Variants in PPM1A observed in about 807,000 individuals in gnomAD.
PPM1A encodes the protein protein phosphatase, Mg2+/Mn2+ dependent 1A, also known as protein phosphatase 1A.
In PPM1A, 7 loss-of-function variants were observed where a neutral mutation model predicts 35.0. The ratio of observed to expected loss-of-function variants is 0.20; its 90% CI spans 0.11 to 0.38. The LOEUF (loss-of-function observed/expected upper bound fraction) is 0.38, where lower values mean the gene tolerates loss of function less well. Among genes scored for constraint, PPM1A ranks in the 10% least tolerant of loss-of-function variants. The pLI is 1.00. For missense variants in PPM1A, 239 were observed against 467.8 expected, an observed-to-expected ratio of 0.51 and a Z score of 4.51; for synonymous variants, 153 against 167.3, an observed-to-expected ratio of 0.91 and a Z score of 0.66.
chr14:60,262,028 C>CT (rs1297866975), intron 1 of PPM1A, among the ~76,000 whole-genome samples: 1 of 152,044 alleles, frequency 6.6e-6, no homozygotes, highest in African/African-American at 2.4e-5. Flanking sequence ...CCTACAATAT[C>CT]TTATACTTAA....
In PPM1A at chr14:60,295,005, T is replaced by A. The variant is rs1304682895; in HGVS notation, c.*2523T>A. On this transcript the variant is annotated 3_prime_UTR_variant, in exon 6 of 6. Coordinates refer to ENST00000395076, the MANE Select transcript of PPM1A (RefSeq NM_021003.5). ...GCACTTTTGCACCTCTATTGTGCAC[T>A]TCATTCTTGTACCACTTAAATTCTT... 1.3e-5 allele frequency: 2 copies of A among 151,830 alleles called. No homozygotes were observed. Among genetic ancestry groups the A allele is most frequent in the Non-Finnish European group, 2.9e-5 (2 of 67,804 alleles). 9.4% of individuals were successfully genotyped at this position (151,830 alleles called of 1,614,324 possible).
chr14:60,261,878 A>G (rs1883783357), intron 1 of PPM1A, among the ~76,000 whole-genome samples: 1 of 152,214 alleles, frequency 6.6e-6, no homozygotes, highest in South Asian at 2.1e-4. Context: ...ATAGGTGTAA[A>G]GTCAATAAAG....
chr14:60,269,933 A>C (rs567930444), intron 1 of PPM1A, among the ~76,000 whole-genome samples: 7 of 152,234 alleles, frequency 4.6e-5, no homozygotes, highest in African/African-American at 1.4e-4. Flanking sequence ...TTTCTACTAA[A>C]TGTATCTAGT....
Position 60,298,169 on chromosome 14 carries a change from A to G in PPM1A, c.*5687A>G, listed in dbSNP as rs1888205083. ...GTCTTTCTCTAAGATTTGCCACTTT[A>G]GAAATTCAACAGAAAAGAGGTAAAA... On this transcript the variant is annotated 3_prime_UTR_variant, in exon 6 of 6. Coordinates refer to ENST00000395076, the MANE Select transcript of PPM1A (RefSeq NM_021003.5). 1 of 151,780 alleles carries G rather than the reference A, an allele frequency of 6.6e-6. No homozygotes were observed. Among genetic ancestry groups the G allele is most frequent in the African/African-American group, 2.4e-5 (1 of 41,422 alleles). The allele number at this position is 151,780 out of a possible 1,614,324, so 9.4% of individuals were successfully genotyped here.
intron 1 of PPM1A, among the ~76,000 whole-genome samples, chr14:60,259,782 A>G (rs1883538886): frequency 6.6e-6 from 1 of 152,120 alleles, no homozygotes; most frequent in South Asian, 2.1e-4. Flanking sequence ...ATAGGTCAGT[A>G]TCTAATTTTT....
intron 2 of PPM1A, among the ~76,000 whole-genome samples, chr14:60,285,015 G>A (rs2139553725): frequency 6.6e-6 from 1 of 151,988 alleles, no homozygotes; most frequent in African/African-American, 2.4e-5. Flanking sequence ...TGAATACTTA[G>A]ATGTCTTTAA....
chr14:60,287,791 A>G (rs1214519893), intron 3 of PPM1A: 2 of 982,854 alleles, frequency 2.0e-6, no homozygotes, highest in Non-Finnish European at 2.4e-6. Flanking sequence ...TGGTCCTTCT[A>G]AGCCAATTTA....
At chr14:60,275,844 C>CTTTT (rs531960264) in intron 1 of PPM1A, among the ~76,000 whole-genome samples, 4 of 130,458 alleles carry the variant, frequency 3.1e-5, no homozygotes, top group African/African-American at 5.6e-5. Flanking sequence ...AAAGATTAGC[C>CTTTT]TTTTTTTTTT....
chr14:60,255,210 C>G (rs1882956383), intron 1 of PPM1A, among the ~76,000 whole-genome samples: 1 of 131,594 alleles, frequency 7.6e-6, no homozygotes, highest in South Asian at 2.5e-4. Flanking sequence ...CTCGCTCTGT[C>G]GCCCAGGCTG....
chr14:60,249,109 T>C (rs1881997504), upstream of PPM1A: 1 of 548,162 alleles, frequency 1.8e-6, no homozygotes, highest in Non-Finnish European at 2.3e-6. This position sits in a 1 kb window ranked among gnomAD's most constrained non-coding sequence, Gnocchi z 4.5. Flanking sequence ...CGGGTCTCTG[T>C]AGCTGCGCGC....
Position 60,282,335 on chromosome 14 carries a change from A to T in PPM1A, c.-20-349A>T, listed in dbSNP as rs1886496723. ...GAATTCGTTTGGCTTTTCTTAATTGATATACATACAACTTAGTCCTGAGCT... is the reference window on the plus strand; with the variant it reads ...GAATTCGTTTGGCTTTTCTTAATTGTTATACATACAACTTAGTCCTGAGCT... On this transcript the variant is annotated intron_variant, in intron 1 of 5. Transcript: ENST00000395076. This position sits in a 1 kb window ranked among gnomAD's most constrained non-coding sequence, Gnocchi z 5.1. Among the ~76,000 whole-genome samples, 1 of 152,216 alleles carries T rather than the reference A, an allele frequency of 6.6e-6. No homozygotes were observed. Among genetic ancestry groups the T allele is most frequent in the Non-Finnish European group, 1.5e-5 (1 of 68,042 alleles).
At chr14:60,281,984 A>G (rs1325603650) in intron 1 of PPM1A, among the ~76,000 whole-genome samples, 2 of 152,244 alleles carry the variant, frequency 1.3e-5, no homozygotes, top group African/African-American at 4.8e-5. Context: ...ATTTGAGGCT[A>G]CAACATTTAC....
chr14:60,283,417 T>C lies in PPM1A; in HGVS notation c.714T>C (p.Cys238=). The change falls in exon 2 of 6, where the codon TGT becomes TGC. Residue 238 remains cysteine, a synonymous_variant. Coordinates refer to ENST00000395076, the MANE Select transcript of PPM1A (RefSeq NM_021003.5). This position sits in a 1 kb window ranked among gnomAD's most constrained non-coding sequence, Gnocchi z 6.3. The part of the protein sequence containing the change: ...EEDDQFIILA[C]DGIWDVMGNE... ...ATGATCAGTTCATTATCCTTGCATG[T>C]GATGGTATCTGGGATGTTATGGGAA... The C allele has an allele frequency of 6.2e-7, 1 of 1,614,250 alleles. No homozygotes were observed.
At chr14:60,264,876 C>G (rs1884194729) in intron 1 of PPM1A, among the ~76,000 whole-genome samples, 1 of 152,004 alleles carries the variant, frequency 6.6e-6, no homozygotes, top group South Asian at 2.1e-4. Context: ...TTTAATTTTT[C>G]TTCCTTTAAT....
In PPM1A at chr14:60,273,668, C is replaced by T. The variant is rs1885420938; in HGVS notation, c.-20-9016C>T. 6.6e-6 allele frequency among the ~76,000 whole-genome samples: 1 copy of T among 152,142 alleles called. No homozygotes were observed. Among genetic ancestry groups the T allele is most frequent in the Admixed American group, 6.5e-5 (1 of 15,272 alleles). On this transcript the variant is annotated intron_variant, in intron 1 of 5. Coordinates refer to ENST00000395076, the MANE Select transcript of PPM1A (RefSeq NM_021003.5). The surrounding 1 kb of genome is among the most constrained non-coding windows in gnomAD (Gnocchi z 4.3). ...GGATGCCAGGATCCACGTGAAGAGA[C>T]TAAAGACGCTAGTATTCTGCAGTGA...
intron 1 of PPM1A, among the ~76,000 whole-genome samples, chr14:60,269,839 G>A (rs540882340): frequency 6.6e-6 from 1 of 152,292 alleles, no homozygotes; most frequent in African/African-American, 2.4e-5. Context: ...GTGAGCCATC[G>A]TGCCCAGCCG....
chr14:60,291,518 A>G (rs1887632485), intron 5 of PPM1A, 64 bp downstream of exon 5: 1 of 1,354,166 alleles, frequency 7.4e-7, no homozygotes, highest in Admixed American at 2.0e-5. Flanking sequence ...TATCCTTCCT[A>G]CCTGTTTTTG....
chr14:60,267,940 T>C (rs1884587215), intron 1 of PPM1A, among the ~76,000 whole-genome samples: 1 of 152,170 alleles, frequency 6.6e-6, no homozygotes, highest in African/African-American at 2.4e-5. Context: ...CTCTTAAATA[T>C]TTAAATGTGT....
chr14:60,291,967 T>C (rs1238848771), intron 5 of PPM1A, among the ~76,000 whole-genome samples: 1 of 152,110 alleles, frequency 6.6e-6, no homozygotes. Flanking sequence ...TGCCATACTC[T>C]CCAGTTAAGT....
Sources: gnomAD v4.1 joint callset for allele counts (sites outside exome capture counted in the v4.1 genomes callset) on GRCh38, gnomAD v4.1.1 for gene constraint, Gnocchi (gnomAD v3.1) non-coding constraint, MANE v1.5 for transcripts, NCBI Gene and HGNC (gene_info 2026-07-23, HGNC 2026-07-21) for gene names.